CPEB3: variants seen among roughly 807,000 people sequenced by gnomAD.
The protein encoded by CPEB3 is cytoplasmic polyadenylation element binding protein 3.
CPEB3 carries 20 observed loss-of-function variants against 67.2 expected under a neutral mutation model. The observed-to-expected ratio is 0.30, with a 90% CI of 0.21 to 0.43. The LOEUF is 0.43. Among genes scored for constraint, CPEB3 ranks in the 20% least tolerant of loss-of-function variants. CPEB3 has a pLI of 1.00. For synonymous variants in CPEB3, 376 were observed against 393.1 expected (o/e 0.96, Z 0.51); for missense variants, 746 against 968.6 (o/e 0.77, Z 3.05).
chr10:92,061,974 G>T (rs977220753), intron 9 of CPEB3, among the ~76,000 whole-genome samples: 1 of 152,122 alleles, frequency 6.6e-6, no homozygotes, highest in East Asian at 1.9e-4. Flanking sequence ...TGGCACAGTG[G>T]TGCACATCTG....
At position 92,240,368 on chromosome 10, in the gene CPEB3, C is replaced by CG; in HGVS notation, c.-11-8dup. The CG allele has an allele frequency of 7.0e-7, 1 of 1,435,486 alleles. No homozygotes were observed. The highest frequency in any genetic ancestry group is 2.9e-5 in the Admixed American group (1 of 33,974). 88.9% of individuals were successfully genotyped at this position (1,435,486 alleles called of 1,614,324 possible). A position where few individuals can be genotyped will look rare whatever the true frequency, so the allele number is the denominator to read the frequency against. On this transcript the variant is annotated splice_region_variant and splice_polypyrimidine_tract_variant and intron_variant, in intron 1 of 9. Transcript: ENST00000265997. ...TCCTGCATGGTTTGCGCAGCTGAAA[C>CG]GGGAAAAAAGAGAGACGCGTTATTG...
rs534976355 is a variant in CPEB3 at position 92,058,592 on chromosome 10, C to CATACATAT, written c.1870-6154_1870-6153insATATGTAT. Among the ~76,000 whole-genome samples, 1,051 of 140,278 alleles carry CATACATAT rather than the reference C, an allele frequency of 7.5e-3. 2 individuals are homozygous for CATACATAT. The highest frequency in any genetic ancestry group is 0.019 in the African/African-American group (671 of 34,660). The allele number at this position is 140,278 out of a possible 152,430, so 92.0% of individuals were successfully genotyped here. ...ACATACATACATACATACATACATA[C>CATACATAT]ATATATATATATATATAAATTAATT... is the stretch of plus-strand genomic sequence containing the variant. On this transcript the variant is annotated intron_variant, in intron 9 of 9. Transcript: ENST00000265997.
chr10:92,064,008 A>G (rs991106750), intron 9 of CPEB3, among the ~76,000 whole-genome samples: 18 of 152,312 alleles, frequency 1.2e-4, no homozygotes, highest in Admixed American at 4.6e-4. Flanking sequence ...AAAGAAAAAA[A>G]TTGGCAAAAA....
intron 7 of CPEB3, among the ~76,000 whole-genome samples, chr10:92,100,506 C>T (rs1844126105): frequency 6.6e-6 from 1 of 152,062 alleles, no homozygotes; most frequent in South Asian, 2.1e-4. Flanking sequence ...GAACTCCTGA[C>T]CTCAGGTGAT....
intron 2 of CPEB3, among the ~76,000 whole-genome samples, chr10:92,223,465 GC>G (rs1428179367): frequency 6.6e-6 from 1 of 150,890 alleles, no homozygotes; most frequent in Non-Finnish European, 1.5e-5. Flanking sequence ...TTCCCCAGCT[GC>G]CTAAACCAAA....
chr10:92,121,956 C>T (rs150423081), intron 6 of CPEB3, among the ~76,000 whole-genome samples: 99 of 152,286 alleles, frequency 6.5e-4, no homozygotes, highest in African/African-American at 2.3e-3. Flanking sequence ...CTTTGGCTTT[C>T]AGGTCAGAGG....
intron 5 of CPEB3, among the ~76,000 whole-genome samples, chr10:92,143,380 G>A (rs1846531099): frequency 6.6e-6 from 1 of 152,042 alleles, no homozygotes; most frequent in South Asian, 2.1e-4. Flanking sequence ...AAAGAATTTG[G>A]AAGAAAAGTA....
intron 2 of CPEB3, among the ~76,000 whole-genome samples, chr10:92,216,003 C>T (rs866544032): frequency 2.7e-5 from 4 of 148,866 alleles, no homozygotes; most frequent in African/African-American, 9.8e-5. Context: ...CTGCCTCGGC[C>T]TCCCAAAGTG....
chr10:92,271,132 G>A (rs1318872593), intron 1 of CPEB3, among the ~76,000 whole-genome samples: 4 of 152,120 alleles, frequency 2.6e-5, no homozygotes, highest in African/African-American at 7.2e-5. Flanking sequence ...GCAGTGAGCC[G>A]AGATCGCACC....
intron 4 of CPEB3, among the ~76,000 whole-genome samples, chr10:92,167,876 C>T (rs990152966): frequency 1.3e-4 from 20 of 151,862 alleles, no homozygotes; most frequent in Non-Finnish European, 1.5e-5. Context: ...CCACTGCACT[C>T]CAGCCTGGGC....
chr10:92,204,964 C>G (rs1422173657), intron 2 of CPEB3, among the ~76,000 whole-genome samples: 1 of 151,000 alleles, frequency 6.6e-6, no homozygotes, highest in African/African-American at 2.4e-5. Flanking sequence ...CTCAGCCTCC[C>G]GAGTAGCTGG....
At chr10:92,284,376 G>A (rs1398055499) in intron 1 of CPEB3, among the ~76,000 whole-genome samples, 1 of 152,046 alleles carries the variant, frequency 6.6e-6, no homozygotes, top group Non-Finnish European at 1.5e-5. Flanking sequence ...CCTCCCACAA[G>A]CAGCTTCCTC....
chr10:92,209,045 T>A (rs980125501), intron 2 of CPEB3, among the ~76,000 whole-genome samples: 5 of 152,218 alleles, frequency 3.3e-5, no homozygotes, highest in Non-Finnish European at 7.3e-5. Context: ...AATCTTTTTA[T>A]CTTTAATTCT....
intron 6 of CPEB3, chr10:92,137,506 G>A (rs1846160388): frequency 6.1e-6 from 6 of 986,028 alleles, no homozygotes; most frequent in Non-Finnish European, 7.9e-6. Context: ...AAGGCCTTCT[G>A]ATGTGCTTGA....
At chr10:92,058,315 G>T (rs1465721436) in intron 9 of CPEB3, among the ~76,000 whole-genome samples, 1 of 152,164 alleles carries the variant, frequency 6.6e-6, no homozygotes, top group Non-Finnish European at 1.5e-5. Flanking sequence ...GGAGGCCAAG[G>T]TGGGTGGATC....
rs116244577 is a variant in CPEB3 at position 92,221,518 on chromosome 10, T to C, written c.1005+17828A>G. On this transcript the variant is annotated intron_variant, in intron 2 of 9. Coordinates refer to ENST00000265997, the MANE Select transcript of CPEB3 (RefSeq NM_014912.5). ...AAAAAAATAAAAACTCTCAAATTCA[T>C]TTATTTATTCAAATATATAATAAGC... Among the ~76,000 whole-genome samples the C allele has an allele frequency of 8.4e-3, 1,280 of 152,240 alleles. 27 individuals carry two copies. The highest frequency in any genetic ancestry group is 0.029 in the African/African-American group (1,224 of 41,534).
At chr10:92,274,387 A>G (rs530009869) in intron 1 of CPEB3, among the ~76,000 whole-genome samples, 5 of 152,196 alleles carry the variant, frequency 3.3e-5, no homozygotes, top group Non-Finnish European at 7.3e-5. Flanking sequence ...CTTGGTTACT[A>G]TCTTGCCCAC....
intron 4 of CPEB3, among the ~76,000 whole-genome samples, chr10:92,173,566 A>AAAT (rs751801194): frequency 4.6e-5 from 7 of 151,950 alleles, no homozygotes; most frequent in Non-Finnish European, 7.4e-5. Flanking sequence ...TTAAGGTAGT[A>AAAT]AATAATAATA....
At chr10:92,109,532 G>A (rs1026706628) in intron 7 of CPEB3, among the ~76,000 whole-genome samples, 1 of 152,066 alleles carries the variant, frequency 6.6e-6, no homozygotes, top group Non-Finnish European at 1.5e-5. Flanking sequence ...GATTACAGGC[G>A]TGAGCTACTG....
Sources: gnomAD v4.1 joint callset for allele counts (sites outside exome capture counted in the v4.1 genomes callset) on GRCh38, gnomAD v4.1.1 for gene constraint, MANE v1.5 for transcripts, NCBI Gene and HGNC (gene_info 2026-07-23, HGNC 2026-07-21) for gene names.